Variants in CACNA2D3 observed in about 807,000 individuals in gnomAD.
The protein encoded by CACNA2D3 is voltage-dependent calcium channel subunit alpha-2/delta-3.
CACNA2D3 carries 60 observed loss-of-function variants against 160.6 expected under a neutral mutation model. The ratio of observed to expected loss-of-function variants is 0.37; its 90% CI spans 0.30 to 0.46. CACNA2D3 has a LOEUF of 0.46. Among genes scored for constraint, CACNA2D3 ranks in the 20% least tolerant of loss-of-function variants. The pLI is 1.00. For synonymous variants in CACNA2D3, 558 were observed against 492.9 expected (o/e 1.13, Z -1.75); for missense variants, 1,205 against 1,365.0 (o/e 0.88, Z 1.85).
chr3:54,576,852 A>C (rs765289665), intron 8 of CACNA2D3, among the ~76,000 whole-genome samples: 13 of 152,058 alleles, frequency 8.5e-5, no homozygotes, highest in Non-Finnish European at 1.9e-4. Flanking sequence ...TGGGCAACAT[A>C]GGGAGACCTT....
chr3:54,801,395 G>C (rs1320843321), intron 13 of CACNA2D3, among the ~76,000 whole-genome samples: 2 of 152,112 alleles, frequency 1.3e-5, no homozygotes, highest in Admixed American at 6.5e-5. Context: ...TTTCTTGAGA[G>C]TATTTGGACT....
At chr3:54,802,779 C>T (rs1703023336) in intron 13 of CACNA2D3, among the ~76,000 whole-genome samples, 1 of 152,114 alleles carries the variant, frequency 6.6e-6, no homozygotes, top group African/African-American at 2.4e-5. Context: ...GACCCCTGAC[C>T]CCCAAGCAGC....
intron 2 of CACNA2D3, among the ~76,000 whole-genome samples, chr3:54,232,941 T>C (rs1701803268): frequency 1.3e-5 from 2 of 152,110 alleles, no homozygotes; most frequent in African/African-American, 4.8e-5. Flanking sequence ...GTTTAACCCA[T>C]CTCTACTCCC....
chr3:54,944,934 G>C (rs1403909726), intron 27 of CACNA2D3, among the ~76,000 whole-genome samples: 1 of 151,924 alleles, frequency 6.6e-6, no homozygotes, highest in African/African-American at 2.4e-5. Flanking sequence ...CTGTAGCCTA[G>C]TTCACTTTTA....
chr3:54,149,920 T>G (rs867779503), intron 2 of CACNA2D3, among the ~76,000 whole-genome samples: 2 of 77,234 alleles, frequency 2.6e-5, no homozygotes, highest in Admixed American at 1.2e-4. Flanking sequence ...TCTCTCTCTC[T>G]CTCTCTCTCT....
chr3:54,561,549 C>G (rs1017762703), intron 5 of CACNA2D3, among the ~76,000 whole-genome samples: 1 of 152,152 alleles, frequency 6.6e-6, no homozygotes, highest in Non-Finnish European at 1.5e-5. Context: ...TCCTTTCTTC[C>G]TATTTGAATG....
intron 12 of CACNA2D3, 38 bp downstream of exon 12, chr3:54,752,715 C>T (rs2107069525): frequency 7.1e-7 from 1 of 1,414,086 alleles, no homozygotes; most frequent in Non-Finnish European, 9.9e-7. Flanking sequence ...GAATAACTTC[C>T]ACCTACTTGT....
intron 9 of CACNA2D3, among the ~76,000 whole-genome samples, chr3:54,616,621 A>G (rs1009214841): frequency 2.0e-5 from 3 of 152,206 alleles, no homozygotes; most frequent in Non-Finnish European, 4.4e-5. Flanking sequence ...TGGCTGCCAA[A>G]AGGGACGTCG....
In CACNA2D3 at chr3:54,253,888, C is replaced by T. The variant is rs535718699; in HGVS notation, c.205-66554C>T. On this transcript the variant is annotated intron_variant, in intron 2 of 37. Transcript: ENST00000474759. The stretch of plus-strand genomic sequence containing the variant: ...GTTCAAGCAATTCTCCTGCCTCAGC[C>T]TCCCGAGTAGCTGGGATTATAGGTG... Among the ~76,000 whole-genome samples the T allele has an allele frequency of 1.2e-4, 18 of 152,250 alleles. No homozygotes were observed. The South Asian group carries it at 2.9e-3, about 25-fold the overall frequency.
intron 4 of CACNA2D3, among the ~76,000 whole-genome samples, chr3:54,497,949 G>T (rs770203844): frequency 6.6e-6 from 1 of 151,506 alleles, no homozygotes; most frequent in Non-Finnish European, 1.5e-5. Flanking sequence ...ATACAGTTTG[G>T]TCGTGATGTA....
chr3:54,797,951 A>G (rs1464940262), intron 13 of CACNA2D3, among the ~76,000 whole-genome samples: 6 of 152,226 alleles, frequency 3.9e-5, no homozygotes, highest in Admixed American at 2.6e-4. Flanking sequence ...TGCTTGAGAA[A>G]TCTGGAAGAT....
intron 17 of CACNA2D3, among the ~76,000 whole-genome samples, chr3:54,852,290 C>G (rs1166172682): frequency 1.3e-5 from 2 of 152,210 alleles, no homozygotes; most frequent in African/African-American, 4.8e-5. Context: ...CATGTAGGTT[C>G]ACCCCTACGC....
intron 29 of CACNA2D3, among the ~76,000 whole-genome samples, chr3:54,980,993 A>T (rs1364698949): frequency 1.3e-5 from 2 of 152,212 alleles, no homozygotes; most frequent in African/African-American, 4.8e-5. Flanking sequence ...AAGCCAATGA[A>T]TCAAAGCTCT....
chr3:54,318,881 A>G (rs888259821), intron 2 of CACNA2D3, among the ~76,000 whole-genome samples: 2 of 151,936 alleles, frequency 1.3e-5, no homozygotes, highest in African/African-American at 2.4e-5. Context: ...ACAAAAAAAA[A>G]TTTGTAGAGA....
chr3:54,282,403 A>G (rs1314234424), intron 2 of CACNA2D3, among the ~76,000 whole-genome samples: 1 of 152,228 alleles, frequency 6.6e-6, no homozygotes, highest in Non-Finnish European at 1.5e-5. Context: ...GCCATTAGCC[A>G]GCAACAAACC....
intron 35 of CACNA2D3, among the ~76,000 whole-genome samples, chr3:55,020,839 G>A (rs1400814954): frequency 2.7e-5 from 4 of 149,752 alleles, no homozygotes; most frequent in Admixed American, 2.7e-4. Context: ...AACAGAGCTA[G>A]ATTCCGTCTC....
At chr3:54,634,270 C>T (rs1426201752) in intron 10 of CACNA2D3, among the ~76,000 whole-genome samples, 1 of 152,180 alleles carries the variant, frequency 6.6e-6, no homozygotes, top group Non-Finnish European at 1.5e-5. Flanking sequence ...AACGTTTGCC[C>T]TTCCTGGAAT....
intron 9 of CACNA2D3, among the ~76,000 whole-genome samples, chr3:54,601,509 A>G (rs1703060316): frequency 6.6e-6 from 1 of 152,064 alleles, no homozygotes; most frequent in Non-Finnish European, 1.5e-5. Flanking sequence ...TGCCCTGGAC[A>G]AGATTTTTAA....
At chr3:54,289,830 G>C (rs1156657191) in intron 2 of CACNA2D3, among the ~76,000 whole-genome samples, 1 of 151,996 alleles carries the variant, frequency 6.6e-6, no homozygotes, top group East Asian at 1.9e-4. Context: ...TTTAATAAAT[G>C]GTGCTGGGAA....
Sources: allele counts gnomAD v4.1 joint callset (sites outside exome capture counted in the v4.1 genomes callset), GRCh38; gene constraint gnomAD v4.1.1; transcripts MANE v1.5; gene names NCBI Gene and HGNC (gene_info 2026-07-23, HGNC 2026-07-21).